LMAN2: variants seen among roughly 807,000 people sequenced by gnomAD.
LMAN2 encodes lectin, mannose binding 2.
A neutral mutation model predicts 39.3 loss-of-function variants in LMAN2; 22 were observed. The ratio of observed to expected loss-of-function variants is 0.56; its 90% CI spans 0.40 to 0.80. LMAN2 has a LOEUF of 0.80. Ranked by LOEUF, LMAN2 falls within the 30% of genes least tolerant of loss-of-function variation. The pLI is 0.00. For synonymous variants in LMAN2, 207 were observed against 207.8 expected (o/e 1.00, Z 0.03); for missense variants, 494 against 505.4 (o/e 0.98, Z 0.22).
chr5:177,346,314 G>T, intron 2 of LMAN2: 3 of 347,378 alleles, frequency 8.6e-6, no homozygotes, highest in South Asian at 1.5e-4. Flanking sequence ...GTTTCCAGAT[G>T]AGAATCCACA....
At position 177,332,122 on chromosome 5, in the gene LMAN2, G is replaced by GAACACCACGGCC; in HGVS notation, c.1023_1034dup (p.Val344_Phe345insLeuAlaValVal). 1 of 1,613,504 alleles carries GAACACCACGGCC rather than the reference G, an allele frequency of 6.2e-7. No individual in the cohort carries two copies. Among genetic ancestry groups the GAACACCACGGCC allele is most frequent in the South Asian group, 1.1e-5 (1 of 91,074 alleles). On this transcript the variant is annotated inframe_insertion, in exon 8 of 8. Coordinates refer to ENST00000303127, the MANE Select transcript of LMAN2 (RefSeq NM_006816.3). The surrounding 1 kb of genome is among the most constrained non-coding windows in gnomAD (Gnocchi z 6.3). ...GCTTGTTCCGCTCCTGCCGCTTCTG[G>GAACACCACGGCC]AACACCACGGCCCCCACCACGGCGC...
In LMAN2 at chr5:177,351,615, G is replaced by A. The variant is rs774636179; in HGVS notation, c.33C>T (p.Gly11=). Reference sequence around the variant, plus strand: ...GCCTTCCCAGGCACCGCCGGCCCCAGCCCCAACGCCAAATCCAGCCTTCCG... The same window carrying A: ...GCCTTCCCAGGCACCGCCGGCCCCAACCCCAACGCCAAATCCAGCCTTCCG... The part of the protein sequence containing the change: MAAEGWIWRW[G]WGRRCLGRPG... The change falls in exon 1 of 8, where the codon GGC becomes GGT. Residue 11 remains glycine, a synonymous_variant. Transcript: ENST00000303127. 2.9e-5 allele frequency: 46 copies of A among 1,601,686 alleles called. No individual in the cohort carries two copies. The highest frequency in any genetic ancestry group is 1.1e-4 in the Admixed American group (6 of 56,172).
rs554849986 is a variant in LMAN2, at chr5:177,340,789, C to CT, written c.316-2185dup. On this transcript the variant is annotated intron_variant, in intron 2 of 7. Coordinates refer to ENST00000303127, the MANE Select transcript of LMAN2 (RefSeq NM_006816.3). ...TTTCTCAAAAAAAATCAGACTCACT[C>CT]TGTCGCCCAGGCTGGAGTGCAGTGG... Among the ~76,000 whole-genome samples, 919 of 150,774 alleles carry CT rather than the reference C, an allele frequency of 6.1e-3. 10 individuals are homozygous for CT. The highest frequency in any genetic ancestry group is 0.055 in the South Asian group (257 of 4,712).
chr5:177,349,501 G>A (rs1258876402), intron 2 of LMAN2, among the ~76,000 whole-genome samples: 2 of 152,146 alleles, frequency 1.3e-5, no homozygotes, highest in African/African-American at 2.4e-5. Flanking sequence ...GAGGAAGGAA[G>A]GCAAAACAAT....
chr5:177,338,637 C>G, intron 2 of LMAN2, 32 bp from the exon 3 acceptor site: 1 of 1,587,438 alleles, frequency 6.3e-7, no homozygotes, highest in Non-Finnish European at 8.7e-7. Context: ...CTGCTCAGAG[C>G]TCCCCAGGGC....
Position 177,337,645 on chromosome 5 carries a change from C to T in LMAN2, c.513+61G>A. ...GGGACCATGGAAGTCCCAGGGCCCC[C>T]TCCTCTAGCCGACTGCCCAGTCCTT... On this transcript the variant is annotated intron_variant, in intron 4 of 7. Transcript: ENST00000303127. This position sits in a 1 kb window ranked among gnomAD's most constrained non-coding sequence, Gnocchi z 8.2. The T allele has an allele frequency of 6.2e-7, 1 of 1,605,462 alleles. No individual in the cohort carries two copies. Among genetic ancestry groups the T allele is most frequent in the South Asian group, 1.1e-5 (1 of 90,328 alleles).
chr5:177,345,548 G>A (rs1761622772), intron 2 of LMAN2, among the ~76,000 whole-genome samples: 1 of 151,784 alleles, frequency 6.6e-6, no homozygotes, highest in Non-Finnish European at 1.5e-5. Context: ...AAAGAAATGG[G>A]AAAAAGTAAA....
chr5:177,339,610 C>T (rs751255225), intron 2 of LMAN2, among the ~76,000 whole-genome samples: 8 of 152,174 alleles, frequency 5.3e-5, no homozygotes, highest in Non-Finnish European at 1.0e-4. Flanking sequence ...TAAACAAAGA[C>T]CCATCACAAA....
At chr5:177,349,092 G>A (rs1275897340) in intron 2 of LMAN2, among the ~76,000 whole-genome samples, 2 of 151,998 alleles carry the variant, frequency 1.3e-5, no homozygotes, top group African/African-American at 4.8e-5. Context: ...GACCACTGCC[G>A]CAGCCTCCGC....
chr5:177,337,722 T>C lies in LMAN2; in HGVS notation c.497A>G (p.Asn166Ser), dbSNP rs749959243. 6 of 1,613,932 alleles carry C rather than the reference T, an allele frequency of 3.7e-6. No individual in the cohort carries two copies. Among genetic ancestry groups the C allele is most frequent in the East Asian group, 2.2e-5 (1 of 44,892 alleles). ...GLAIFLDTYP[N>S]DETTERVFPY... The stretch of plus-strand genomic sequence containing the variant: ...GGGGCCTACCTCAGTGGTCTCATCA[T>C]TGGGGTAGGTGTCCAGGAAGATGGC... Residue 166 changes from asparagine to serine, a missense_variant, in exon 4 of 8, where the codon AAT becomes AGT. Transcript: ENST00000303127. This position sits in a 1 kb window ranked among gnomAD's most constrained non-coding sequence, Gnocchi z 8.2.
intron 6 of LMAN2, among the ~76,000 whole-genome samples, chr5:177,336,009 G>A (rs551085258): frequency 7.9e-5 from 12 of 152,186 alleles, no homozygotes; most frequent in Non-Finnish European, 1.5e-4. Context: ...ACCTGCCCTG[G>A]GCCAAACAGC....
At chr5:177,334,150 G>A in intron 7 of LMAN2, 134 bp downstream of exon 7, 4 of 1,434,808 alleles carry the variant, frequency 2.8e-6, no homozygotes, top group Non-Finnish European at 3.7e-6. Flanking sequence ...CCGCTTGCCA[G>A]GACCGGGCTG....
chr5:177,348,401 T>G (rs1761668583), intron 2 of LMAN2, among the ~76,000 whole-genome samples: 1 of 152,066 alleles, frequency 6.6e-6, no homozygotes, highest in African/African-American at 2.4e-5. Context: ...AAAACTGACA[T>G]ACTGGCCAGG....
At chr5:177,338,425 G>T in intron 3 of LMAN2, 63 bp downstream of exon 3, 1 of 1,381,156 alleles carries the variant, frequency 7.2e-7, no homozygotes, top group Non-Finnish European at 1.0e-6. Context: ...CACCTCCCTA[G>T]GGGGCCAGCA....
rs1337808199 is a variant in LMAN2 at position 177,332,660 on chromosome 5, A to G, written c.911-414T>C. Among the ~76,000 whole-genome samples the G allele has an allele frequency of 3.3e-5, 5 of 152,030 alleles. No individual in the cohort carries two copies. Among genetic ancestry groups the G allele is most frequent in the Non-Finnish European group, 7.4e-5 (5 of 67,962 alleles). On this transcript the variant is annotated intron_variant, in intron 7 of 7. Coordinates refer to ENST00000303127, the MANE Select transcript of LMAN2 (RefSeq NM_006816.3). This position sits in a 1 kb window ranked among gnomAD's most constrained non-coding sequence, Gnocchi z 6.3. Reference sequence around the variant, plus strand: ...CGCGGCCCTGGTCACAGGCTCTCCCAGCCCACAGCTGGATGCTCTCGGCAG... The same window carrying G: ...CGCGGCCCTGGTCACAGGCTCTCCCGGCCCACAGCTGGATGCTCTCGGCAG...
intron 2 of LMAN2, among the ~76,000 whole-genome samples, chr5:177,348,524 T>C (rs1375899119): frequency 1.3e-5 from 2 of 151,606 alleles, no homozygotes; most frequent in Non-Finnish European, 2.9e-5. Flanking sequence ...TCATCTCTAC[T>C]AAAAATACAA....
chr5:177,347,789 A>G (rs1761656705), intron 2 of LMAN2, among the ~76,000 whole-genome samples: 1 of 152,194 alleles, frequency 6.6e-6, no homozygotes, highest in African/African-American at 2.4e-5. Context: ...ATAAACCAAA[A>G]GAAGATCAAA....
At chr5:177,347,211 C>T (rs1761649622) in intron 2 of LMAN2, among the ~76,000 whole-genome samples, 1 of 152,014 alleles carries the variant, frequency 6.6e-6, no homozygotes, top group Non-Finnish European at 1.5e-5. Flanking sequence ...CACCTGGGGA[C>T]AACACCCTGA....
chr5:177,343,592 CA>C, intron 2 of LMAN2, among the ~76,000 whole-genome samples: 1 of 135,562 alleles, frequency 7.4e-6, no homozygotes, highest in Non-Finnish European at 1.5e-5. Context: ...CACACACACA[CA>C]CGAATATTAC....
Sources: allele counts gnomAD v4.1 joint callset (sites outside exome capture counted in the v4.1 genomes callset), GRCh38; gene constraint gnomAD v4.1.1; non-coding constraint Gnocchi (gnomAD v3.1); transcripts MANE v1.5; gene names NCBI Gene and HGNC (gene_info 2026-07-23, HGNC 2026-07-21).